Variants in WSCD1 observed in about 807,000 individuals in gnomAD.
The protein encoded by WSCD1 is sialate:O-sulfotransferase 1.
A neutral mutation model predicts 60.4 loss-of-function variants in WSCD1; 41 were observed. The observed-to-expected ratio is 0.68, with a 90% confidence interval of 0.53 to 0.88. WSCD1 has a LOEUF of 0.88. Ranked by LOEUF, WSCD1 falls within the 40% of genes least tolerant of loss-of-function variation. The probability of loss-of-function intolerance (pLI) is 0.00; values close to 1 mark genes in which losing one functional copy is unlikely to be tolerated. For missense variants in WSCD1, 784 were observed against 796.2 expected, an observed-to-expected ratio of 0.98 and a Z score of 0.18; for synonymous variants, 361 against 332.5, an observed-to-expected ratio of 1.09 and a Z score of -0.93.
At position 6,080,624 on chromosome 17, in the gene WSCD1, C is replaced by A; in HGVS notation, c.-35C>A. The A allele has an allele frequency of 6.2e-7, 1 of 1,607,830 alleles. No homozygotes were observed. The highest frequency in any genetic ancestry group is 1.1e-5 in the South Asian group (1 of 90,612). Reference sequence around the variant, plus strand: ...CCCACCTGGGCGCTAGGAGCCATCCCGGGGCTCCAGCCAGGAGCCCTGCTG... The same window carrying A: ...CCCACCTGGGCGCTAGGAGCCATCCAGGGGCTCCAGCCAGGAGCCCTGCTG... On this transcript the variant is annotated 5_prime_UTR_variant, in exon 2 of 9. Transcript: ENST00000317744. The surrounding 1 kb of genome is among the most constrained non-coding windows in gnomAD (Gnocchi z 6.6).
chr17:6,087,578 C>T (rs940763469), intron 2 of WSCD1, among the ~76,000 whole-genome samples: 4 of 152,210 alleles, frequency 2.6e-5, no homozygotes, highest in South Asian at 4.1e-4. Context: ...AAGGAGGCAA[C>T]GACCCTGTCT....
At chr17:6,086,249 T>TTATATATA (rs1481687453) in intron 2 of WSCD1, among the ~76,000 whole-genome samples, 1,410 of 71,192 alleles carry the variant, frequency 0.02, 62 homozygotes, top group African/African-American at 0.073. Context: ...CGTCCTGACT[T>TTATATATA]CATATATATA....
At position 6,123,247 on chromosome 17, in the gene WSCD1, A is replaced by G. The variant is rs3826520; in HGVS notation, c.*2586A>G. Reference sequence around the variant, plus strand: ...AAACCCTGACTGTCTACAGATTCCAACTTTAATAGCAAGCCTGTGGAGTTA... The same window carrying G: ...AAACCCTGACTGTCTACAGATTCCAGCTTTAATAGCAAGCCTGTGGAGTTA... On this transcript the variant is annotated 3_prime_UTR_variant, in exon 9 of 9. Transcript: ENST00000317744. 38,360 of 152,178 alleles carry G rather than the reference A, an allele frequency of 0.25. 5,565 individuals carry two copies. The highest frequency in any genetic ancestry group is 0.4 in the East Asian group (2,085 of 5,168). 9.4% of individuals were successfully genotyped at this position (152,178 alleles called of 1,614,324 possible).
intron 5 of WSCD1, among the ~76,000 whole-genome samples, chr17:6,099,418 G>A (rs1362086786): frequency 6.6e-6 from 1 of 152,152 alleles, no homozygotes; most frequent in Non-Finnish European, 1.5e-5. Flanking sequence ...AGGAGACTGA[G>A]GGAGGAGAAT....
intron 5 of WSCD1, among the ~76,000 whole-genome samples, chr17:6,097,968 T>C (rs1910553251): frequency 6.6e-6 from 1 of 151,406 alleles, no homozygotes; most frequent in Non-Finnish European, 1.5e-5. Flanking sequence ...TTTTTTTTTT[T>C]GAGACAGTGT....
intron 5 of WSCD1, among the ~76,000 whole-genome samples, chr17:6,098,149 G>T (rs1439523657): frequency 1.7e-5 from 2 of 118,930 alleles, no homozygotes; most frequent in Non-Finnish European, 3.5e-5. Flanking sequence ...GAGACAGGGG[G>T]GCGGGGTGGG....
intron 7 of WSCD1, among the ~76,000 whole-genome samples, chr17:6,112,620 A>G (rs1200992189): frequency 6.6e-6 from 1 of 152,238 alleles, no homozygotes; most frequent in African/African-American, 2.4e-5. Context: ...AGGATACAAA[A>G]TAAACATGCA....
At chr17:6,069,944 T>A (rs1908422057), upstream of WSCD1, among the ~76,000 whole-genome samples, 1 of 151,734 alleles carries the variant, frequency 6.6e-6, no homozygotes. Flanking sequence ...TGAGTGTGGG[T>A]GTCGGTGTCT....
rs1489464695 is a variant in WSCD1, at chr17:6,110,561, A to G, written c.1010-210A>G. On this transcript the variant is annotated intron_variant, in intron 6 of 8. Transcript: ENST00000317744. The surrounding 1 kb of genome is among the most constrained non-coding windows in gnomAD (Gnocchi z 4.8). ...TCCCATCTTACTCCTGCACTGCAGT[A>G]TTGCAGGCCTCATTACGGGGCTTTC... Among the ~76,000 whole-genome samples, 1 of 152,142 alleles carries G rather than the reference A, an allele frequency of 6.6e-6. No homozygotes were observed. The highest frequency in any genetic ancestry group is 2.4e-5 in the African/African-American group (1 of 41,438).
chr17:6,069,860 G>A (rs1366592853), upstream of WSCD1, among the ~76,000 whole-genome samples: 1 of 151,606 alleles, frequency 6.6e-6, no homozygotes, highest in East Asian at 2.0e-4. Context: ...GGCTGTGTGT[G>A]TACGTGTGCG....
In WSCD1 at chr17:6,090,469, T is replaced by C. The variant is rs747122076; in HGVS notation, c.691T>C (p.Tyr231His). 6 of 1,613,228 alleles carry C rather than the reference T, an allele frequency of 3.7e-6. No homozygotes were observed. Among genetic ancestry groups the C allele is most frequent in the Non-Finnish European group, 5.1e-6 (6 of 1,179,620 alleles). ...CGGGGCTGTGGACCGGCTCTCCGTG[T>C]ACCGTGTGGACGAGCTGCAGCCGGG... is the stretch of plus-strand genomic sequence containing the variant. ...VCGAVDRLSV[Y>H]RVDELQPGSR... The change falls in exon 4 of 9, where the codon TAC becomes CAC. Residue 231 changes from tyrosine (Y) to histidine (H), a missense_variant. Coordinates refer to ENST00000317744, the MANE Select transcript of WSCD1 (RefSeq NM_015253.2).
At chr17:6,109,504 A>C in intron 5 of WSCD1, 103 bp from the exon 6 acceptor site, 1 of 1,475,720 alleles carries the variant, frequency 6.8e-7, no homozygotes, top group Non-Finnish European at 9.2e-7. Flanking sequence ...CCATACAGAT[A>C]CAGCTGGCAA....
At chr17:6,091,019 G>A (rs984215593) in intron 4 of WSCD1, among the ~76,000 whole-genome samples, 13 of 152,026 alleles carry the variant, frequency 8.6e-5, no homozygotes, top group African/African-American at 2.4e-4. Context: ...GCCTCCCGAG[G>A]AGCTAGGATT....
chr17:6,089,908 G>A (rs1909909157), intron 3 of WSCD1, among the ~76,000 whole-genome samples: 3 of 152,184 alleles, frequency 2.0e-5, no homozygotes. Flanking sequence ...AGTCTGGCTA[G>A]AGACTGATTC....
At chr17:6,081,497 G>C (rs921191037) in intron 2 of WSCD1, among the ~76,000 whole-genome samples, 1 of 152,040 alleles carries the variant, frequency 6.6e-6, no homozygotes, top group Non-Finnish European at 1.5e-5. Context: ...GATCACTTGA[G>C]GTCAGGAGTT....
chr17:6,106,455 C>G (rs376726550), intron 5 of WSCD1, among the ~76,000 whole-genome samples: 1 of 152,194 alleles, frequency 6.6e-6, no homozygotes, highest in Non-Finnish European at 1.5e-5. Flanking sequence ...CAGATAACAA[C>G]ATGAATGGAT....
chr17:6,089,030 C>T (rs1300381860), intron 3 of WSCD1, among the ~76,000 whole-genome samples: 1 of 152,294 alleles, frequency 6.6e-6, no homozygotes, highest in Non-Finnish European at 1.5e-5. Flanking sequence ...GATCTGCCCG[C>T]CTCAGCCTCC....
At chr17:6,109,315 C>T (rs1911272197) in intron 5 of WSCD1, among the ~76,000 whole-genome samples, 1 of 152,172 alleles carries the variant, frequency 6.6e-6, no homozygotes, top group African/African-American at 2.4e-5. Context: ...CGTCGCTCAT[C>T]CCTCAGTCAT....
rs1904588519 is a variant in WSCD1 at position 6,120,299 on chromosome 17, C to T, written c.1376-10C>T. The T allele has an allele frequency of 1.9e-6, 3 of 1,610,104 alleles. No individual in the cohort carries two copies. The highest frequency in any genetic ancestry group is 3.3e-5 in the Admixed American group (2 of 59,884). On this transcript the variant is annotated splice_polypyrimidine_tract_variant and intron_variant, in intron 8 of 8. Coordinates refer to ENST00000317744, the MANE Select transcript of WSCD1 (RefSeq NM_015253.2). ...CCCCCGACTCTGCATCTCTCCTGTC[C>T]TCACTCTAGAGTGGCCGGACTTTGT...
Sources: gnomAD v4.1 joint callset for allele counts (sites outside exome capture counted in the v4.1 genomes callset) on GRCh38, gnomAD v4.1.1 for gene constraint, Gnocchi (gnomAD v3.1) non-coding constraint, MANE v1.5 for transcripts, NCBI Gene and HGNC (gene_info 2026-07-23, HGNC 2026-07-21) for gene names.